Variants in QTMAN observed in about 807,000 individuals in gnomAD.
QTMAN encodes tRNA-queuosine alpha-mannosyltransferase.
At chr2:144,308,162 GTTTT>G in the QTMAN span, among the ~76,000 whole-genome samples, 3 of 110,836 alleles carry the variant, frequency 2.7e-5, no homozygotes, top group Non-Finnish European at 3.7e-5. Flanking sequence ...ATGATTGGTT[GTTTT>G]TTTTTTTTTT....
the QTMAN span, among the ~76,000 whole-genome samples, chr2:144,110,959 C>G: frequency 6.6e-6 from 1 of 152,128 alleles, no homozygotes; most frequent in African/African-American, 2.4e-5. Flanking sequence ...CCTAGGGGAA[C>G]TATTTCCTAC....
At chr2:144,287,506 C>T in the QTMAN span, among the ~76,000 whole-genome samples, 2 of 150,650 alleles carry the variant, frequency 1.3e-5, no homozygotes, top group Non-Finnish European at 3.0e-5. Context: ...TTGTAAAATA[C>T]CTCAGGCTGG....
At chr2:144,113,432 G>A in the QTMAN span, among the ~76,000 whole-genome samples, 2 of 151,864 alleles carry the variant, frequency 1.3e-5, no homozygotes, top group East Asian at 3.9e-4. Context: ...AAAAAGATGG[G>A]GGAAAAATGA....
the QTMAN span, among the ~76,000 whole-genome samples, chr2:144,152,958 T>C: frequency 6.6e-6 from 1 of 152,098 alleles, no homozygotes; most frequent in Non-Finnish European, 1.5e-5. Flanking sequence ...GGCCACTCAG[T>C]GGAAGAAAAG....
At chr2:144,327,371 C>T in the QTMAN span, among the ~76,000 whole-genome samples, 28 of 152,260 alleles carry the variant, frequency 1.8e-4, no homozygotes, top group African/African-American at 6.7e-4. Context: ...GTGAGAACCC[C>T]AATACCTGAA....
At chr2:144,198,144 T>G in the QTMAN span, among the ~76,000 whole-genome samples, 3 of 152,076 alleles carry the variant, frequency 2.0e-5, no homozygotes, top group Non-Finnish European at 4.4e-5. Context: ...GGAGGATCAT[T>G]TGAGCTGAGG....
chr2:144,282,961 G>A, the QTMAN span, among the ~76,000 whole-genome samples: 2 of 152,296 alleles, frequency 1.3e-5, no homozygotes, highest in African/African-American at 2.4e-5. Flanking sequence ...ATACATCCAC[G>A]TGCTCAGAGT....
chr2:144,030,914 C>T, the QTMAN span, among the ~76,000 whole-genome samples: 50 of 152,112 alleles, frequency 3.3e-4, no homozygotes, highest in Non-Finnish European at 5.9e-4. Flanking sequence ...TTTCTGTGAA[C>T]GAAGCTGTAG....
the QTMAN span, among the ~76,000 whole-genome samples, chr2:144,161,805 T>A: frequency 6.6e-6 from 1 of 152,212 alleles, no homozygotes; most frequent in South Asian, 2.1e-4. Flanking sequence ...AATTCTTGGA[T>A]AATTTATTCA....
chr2:144,327,791 G>C, the QTMAN span, among the ~76,000 whole-genome samples: 2 of 152,136 alleles, frequency 1.3e-5, no homozygotes, highest in Non-Finnish European at 2.9e-5. Flanking sequence ...ATAGCAAGGA[G>C]AGGGAGATCA....
the QTMAN span, among the ~76,000 whole-genome samples, chr2:143,984,197 T>C: frequency 6.6e-6 from 1 of 152,210 alleles, no homozygotes; most frequent in African/African-American, 2.4e-5. Context: ...AAACTGTTAT[T>C]TTCCCCTTCT....
chr2:144,128,123 A>G, the QTMAN span: 3 of 152,040 alleles, frequency 2.0e-5, no homozygotes, highest in Non-Finnish European at 4.4e-5. Flanking sequence ...CATAAAAGAT[A>G]AATAATTTAT....
At chr2:144,201,413 A>C in the QTMAN span, among the ~76,000 whole-genome samples, 1 of 152,214 alleles carries the variant, frequency 6.6e-6, no homozygotes, top group African/African-American at 2.4e-5. Flanking sequence ...GGAGGAGATG[A>C]TGTTGCAGAG....
At chr2:144,201,848 G>A in the QTMAN span, among the ~76,000 whole-genome samples, 1 of 152,138 alleles carries the variant, frequency 6.6e-6, no homozygotes, top group East Asian at 1.9e-4. Context: ...CTAAAGAAGG[G>A]GAGTGTTACA....
the QTMAN span, among the ~76,000 whole-genome samples, chr2:144,138,127 C>A: frequency 6.6e-6 from 1 of 151,996 alleles, no homozygotes; most frequent in Non-Finnish European, 1.5e-5. Context: ...AGCAAAGGAG[C>A]CTGAGAAGCA....
At chr2:144,023,045 T>C in the QTMAN span, among the ~76,000 whole-genome samples, 1 of 152,310 alleles carries the variant, frequency 6.6e-6, no homozygotes, top group East Asian at 1.9e-4. Context: ...ATCTTCTCTA[T>C]CCAGAAGTCC....
chr2:143,975,060 C>T, the QTMAN span, among the ~76,000 whole-genome samples: 1 of 152,166 alleles, frequency 6.6e-6, no homozygotes, highest in East Asian at 1.9e-4. Flanking sequence ...AAGAGACCAA[C>T]GCAGAAATAT....
the QTMAN span, among the ~76,000 whole-genome samples, chr2:144,166,116 A>G: frequency 2.6e-5 from 4 of 152,242 alleles, no homozygotes; most frequent in East Asian, 5.8e-4. Flanking sequence ...TGCCTCATCT[A>G]TTTCACAATT....
chr2:143,938,818 T>C, the QTMAN span: 1 of 152,232 alleles, frequency 6.6e-6, no homozygotes, highest in African/African-American at 2.4e-5. Context: ...TTCTGATCCA[T>C]ATTTAACAAT....
Sources: allele counts gnomAD v4.1 joint callset (sites outside exome capture counted in the v4.1 genomes callset), GRCh38; gene constraint gnomAD v4.1.1; transcripts MANE v1.5; gene names NCBI Gene and HGNC (gene_info 2026-07-23, HGNC 2026-07-21).